Variants in LHCGR observed in about 807,000 individuals in gnomAD.
LHCGR encodes the protein luteinizing hormone/choriogonadotropin receptor.
In LHCGR, 55 loss-of-function variants were observed where a neutral mutation model predicts 60.7. That is an observed-to-expected ratio of 0.91 (90% CI 0.73 to 1.13). The LOEUF is 1.13. Among genes scored for constraint, LHCGR ranks in the 50% most tolerant of loss-of-function variants. The probability of loss-of-function intolerance (pLI) is 0.00; values close to 1 mark genes in which losing one functional copy is unlikely to be tolerated. For synonymous variants in LHCGR, 337 were observed against 316.5 expected, an observed-to-expected ratio of 1.06 and a Z score of -0.69; for missense variants, 862 against 836.0, an observed-to-expected ratio of 1.03 and a Z score of -0.38.
chr2:48,701,943 GTC>G (rs992998029), intron 8 of LHCGR, among the ~76,000 whole-genome samples: 30 of 152,310 alleles, frequency 2.0e-4, no homozygotes, highest in African/African-American at 7.0e-4. Context: ...TTATGTGACT[GTC>G]ATCTCACTAA....
chr2:48,720,248 G>T (rs972131054), intron 6 of LHCGR: 1 of 152,124 alleles, frequency 6.6e-6, no homozygotes, highest in South Asian at 2.1e-4. Context: ...GAGTCTCGTG[G>T]GGTGGCCCAG....
Position 48,755,665 on chromosome 2 carries a change from G to A in LHCGR, c.7C>T (p.Gln3Ter). MK[Q>*]RFSALQLLKL... Reference sequence around the variant, plus strand: ...AGCAGCTGCAGCGCCGAGAACCGCTGCTTCATGGCCGGCGAACTGGGCTTC... The same window carrying A: ...AGCAGCTGCAGCGCCGAGAACCGCTACTTCATGGCCGGCGAACTGGGCTTC... Residue 3 changes from glutamine (Q) to a stop codon, truncating the protein, a stop_gained, in exon 1 of 11, where the codon CAG (glutamine) becomes TAG (stop). Coordinates refer to ENST00000294954, the MANE Select transcript of LHCGR (RefSeq NM_000233.4). LOFTEE classifies it high-confidence loss of function. The A allele has an allele frequency of 6.5e-7, 1 of 1,535,358 alleles. No individual in the cohort carries two copies. The highest frequency in any genetic ancestry group is 8.7e-7 in the Non-Finnish European group (1 of 1,146,366).
chr2:48,698,490 A>G, intron 9 of LHCGR, 125 bp downstream of exon 9: 1 of 749,544 alleles, frequency 1.3e-6, no homozygotes, highest in South Asian at 1.4e-5. Context: ...AAGTGACCCC[A>G]TGTCTACGGA....
intron 1 of LHCGR, among the ~76,000 whole-genome samples, chr2:48,735,717 C>A (rs1669181026): frequency 1.3e-5 from 2 of 152,200 alleles, no homozygotes; most frequent in South Asian, 4.1e-4. Flanking sequence ...ACCCAAGTCA[C>A]TCTTTAGTAC....
Position 48,729,135 on chromosome 2 carries a change from C to A in LHCGR, c.308+18G>T. Reference sequence around the variant, plus strand: ...GTAATAGTGTACAGCAGTAAACTGTCTGTTAGCTGATGCTTACATTTCAGA... The same window carrying A: ...GTAATAGTGTACAGCAGTAAACTGTATGTTAGCTGATGCTTACATTTCAGA... On this transcript the variant is annotated intron_variant, in intron 3 of 10. Coordinates refer to ENST00000294954, the MANE Select transcript of LHCGR (RefSeq NM_000233.4). The A allele has an allele frequency of 6.3e-7, 1 of 1,585,436 alleles. No homozygotes were observed. The highest frequency in any genetic ancestry group is 1.1e-5 in the South Asian group (1 of 90,538).
intron 2 of LHCGR, 121 bp downstream of exon 2, chr2:48,731,106 G>T: frequency 1.5e-6 from 1 of 666,066 alleles, no homozygotes; most frequent in Non-Finnish European, 2.7e-6. Flanking sequence ...ATAAAAATAT[G>T]TGAGTATCCT....
chr2:48,687,673 AT>A lies in LHCGR; in HGVS notation c.*23del, dbSNP rs762403872. On this transcript the variant is annotated 3_prime_UTR_variant, in exon 11 of 11. Transcript: ENST00000294954. Reference sequence around the variant, plus strand: ...TTTTTACAGGTTTAAGAACAATTCAATAATGCAGTTACTGATGTAACAGTTA... The same window carrying A: ...TTTTTACAGGTTTAAGAACAATTCAAAATGCAGTTACTGATGTAACAGTTA... 6.3e-7 allele frequency: 1 copy of A among 1,582,802 alleles called. No homozygotes were observed. Among genetic ancestry groups the A allele is most frequent in the South Asian group, 1.1e-5 (1 of 90,430 alleles).
In LHCGR at chr2:48,731,295, T is replaced by G; in HGVS notation, c.165A>C (p.Ser55=). The change falls in exon 2 of 11, where the codon TCA becomes TCC. Residue 55 remains serine (S), a synonymous_variant. Coordinates refer to ENST00000294954, the MANE Select transcript of LHCGR (RefSeq NM_000233.4). ...TCACTTTGACAGGGAGGTAGGCAAGTGATCTAGAAAAGAAAAAAGGAAATC... is the reference window on the plus strand; with the variant it reads ...TCACTTTGACAGGGAGGTAGGCAAGGGATCTAGAAAAGAAAAAAGGAAATC... The part of the protein sequence containing the change: ...PGPTAGLTRL[S]LAYLPVKVIP... The G allele has an allele frequency of 6.2e-7, 1 of 1,609,904 alleles. No individual in the cohort carries two copies. The highest frequency in any genetic ancestry group is 8.5e-7 in the Non-Finnish European group (1 of 1,177,540).
In LHCGR at chr2:48,729,278, C is replaced by T. The variant is rs6759468; in HGVS notation, c.234-51G>A. On this transcript the variant is annotated intron_variant, in intron 2 of 10. Coordinates refer to ENST00000294954, the MANE Select transcript of LHCGR (RefSeq NM_000233.4). ...GAGAAAGAAACATGAAAGAAATGAC[C>T]GTGTCTGCATGATTATGAGCTATGT... The T allele has an allele frequency of 0.046, 63,484 of 1,370,600 alleles. 1,921 individuals are homozygous for T. The highest frequency in any genetic ancestry group is 0.055 in the Non-Finnish European group (53,055 of 967,968). 84.9% of individuals were successfully genotyped at this position (1,370,600 alleles called of 1,614,324 possible).
At chr2:48,735,561 G>T (rs1415366158) in intron 1 of LHCGR, among the ~76,000 whole-genome samples, 1 of 152,144 alleles carries the variant, frequency 6.6e-6, no homozygotes, top group Non-Finnish European at 1.5e-5. Flanking sequence ...AACAGTTCCT[G>T]GTTGCTGTCT....
rs1235911438 is a variant in LHCGR, at chr2:48,688,475, G to A, written c.1322C>T (p.Thr441Ile). ...TGCGAATACAGTGAAAAAGCCAGCA[G>A]TGCTGCACCCACTCCCTGTCTGCCA... ...IDWQTGSGCS[T>I]AGFFTVFASE... Residue 441 changes from threonine (T) to isoleucine (I), a missense_variant, in exon 11 of 11, where the codon ACT becomes ATT. Transcript: ENST00000294954. This position sits in a 1 kb window ranked among gnomAD's most constrained non-coding sequence, Gnocchi z 5.2. 1 of 1,614,200 alleles carries A rather than the reference G, an allele frequency of 6.2e-7. No homozygotes were observed. Among genetic ancestry groups the A allele is most frequent in the Non-Finnish European group, 8.5e-7 (1 of 1,180,040 alleles).
At chr2:48,719,996 C>T (rs1668430799) in intron 6 of LHCGR, 1 of 152,180 alleles carries the variant, frequency 6.6e-6, no homozygotes, top group African/African-American at 2.4e-5. Flanking sequence ...CACTCCCCTT[C>T]CAGATGAAGG....
chr2:48,737,677 T>C (rs1669260619), intron 1 of LHCGR, among the ~76,000 whole-genome samples: 1 of 152,238 alleles, frequency 6.6e-6, no homozygotes, highest in South Asian at 2.1e-4. Context: ...GAGGCTTCAG[T>C]GTTAACTGAA....
intron 8 of LHCGR, among the ~76,000 whole-genome samples, chr2:48,705,951 T>A (rs1436818513): frequency 6.6e-6 from 1 of 152,198 alleles, no homozygotes; most frequent in Non-Finnish European, 1.5e-5. Flanking sequence ...GCTAGCTGGT[T>A]ATTTTGCCTG....
rs182309159 is a variant in LHCGR at position 48,728,510 on chromosome 2, C to G, written c.308+643G>C. Among the ~76,000 whole-genome samples, 10 of 152,288 alleles carry G rather than the reference C, an allele frequency of 6.6e-5. No individual in the cohort carries two copies. In the East Asian group the frequency reaches 1.9e-3, roughly 29 times the overall value. On this transcript the variant is annotated intron_variant, in intron 3 of 10. Transcript: ENST00000294954. The stretch of plus-strand genomic sequence containing the variant: ...CACATGCATTGATTTCTAATTTCAG[C>G]TCTGGCACTAACTTGCGGTGTGATG...
intron 3 of LHCGR, among the ~76,000 whole-genome samples, chr2:48,727,419 A>C (rs1335503212): frequency 6.6e-6 from 1 of 152,226 alleles, no homozygotes; most frequent in African/African-American, 2.4e-5. Context: ...AAAAGCCTTC[A>C]TGGAGCTAGC....
chr2:48,723,750 T>C, intron 4 of LHCGR, 54 bp from the exon 5 acceptor site: 1 of 1,244,974 alleles, frequency 8.0e-7, no homozygotes, highest in South Asian at 1.2e-5. Flanking sequence ...AAAGTGATTG[T>C]CATTAAGACA....
At chr2:48,700,411 A>G (rs969596128) in intron 8 of LHCGR, among the ~76,000 whole-genome samples, 4 of 152,164 alleles carry the variant, frequency 2.6e-5, no homozygotes, top group African/African-American at 4.8e-5. Context: ...TAATGAGAAC[A>G]ACCCCTTGGG....
At chr2:48,745,723 C>T (rs1271291911) in intron 1 of LHCGR, among the ~76,000 whole-genome samples, 17 of 148,900 alleles carry the variant, frequency 1.1e-4, no homozygotes, top group South Asian at 2.2e-4. Context: ...GGAGGGATAG[C>T]GTTGGGAGAT....
Sources: allele counts gnomAD v4.1 joint callset (sites outside exome capture counted in the v4.1 genomes callset), GRCh38; gene constraint gnomAD v4.1.1; non-coding constraint Gnocchi (gnomAD v3.1); transcripts MANE v1.5; gene names NCBI Gene and HGNC (gene_info 2026-07-23, HGNC 2026-07-21).